Variants in NEBL observed in about 807,000 individuals in gnomAD.
The protein encoded by NEBL is LIM and SH3 protein 2.
Under a neutral mutation model 140.2 loss-of-function variants are expected in NEBL, and 122 were observed. That is an observed-to-expected ratio of 0.87 (90% CI 0.75 to 1.01). The LOEUF (loss-of-function observed/expected upper bound fraction) is 1.01, where lower values mean the gene tolerates loss of function less well. Ranked by LOEUF, NEBL falls within the 50% of genes least tolerant of loss-of-function variation. The pLI, the probability that NEBL is intolerant of heterozygous loss-of-function variation, is 0.00. For missense variants in NEBL, 1,365 were observed against 1,231.3 expected, an observed-to-expected ratio of 1.11 and a Z score of -1.62; for synonymous variants, 436 against 398.9, an observed-to-expected ratio of 1.09 and a Z score of -1.11.
intron 1 of NEBL, among the ~76,000 whole-genome samples, chr10:21,276,263 C>T (rs151050398): frequency 9.3e-4 from 141 of 152,246 alleles, no homozygotes; most frequent in East Asian, 4.8e-3. Flanking sequence ...TGAGCCACCA[C>T]GCCCAGCCCA....
At chr10:21,235,214 T>G (rs1842331984) in intron 3 of NEBL, among the ~76,000 whole-genome samples, 1 of 152,100 alleles carries the variant, frequency 6.6e-6, no homozygotes, top group Non-Finnish European at 1.5e-5. Context: ...GAGGATCACT[T>G]GAGTCCAGGA....
At chr10:20,790,608 A>C (rs1214257822) in intron 26 of NEBL, among the ~76,000 whole-genome samples, 1 of 151,856 alleles carries the variant, frequency 6.6e-6, no homozygotes, top group Non-Finnish European at 1.5e-5. Flanking sequence ...CTCAAAAAAA[A>C]AAAAACAAAA....
intron 2 of NEBL, among the ~76,000 whole-genome samples, chr10:21,131,088 A>T (rs1428946278): frequency 1.3e-5 from 2 of 152,192 alleles, no homozygotes; most frequent in South Asian, 4.1e-4. Flanking sequence ...TATTAAAAGG[A>T]TAATAAAAGA....
At chr10:21,039,990 C>A (rs1834195987) in intron 2 of NEBL, among the ~76,000 whole-genome samples, 1 of 152,182 alleles carries the variant, frequency 6.6e-6, no homozygotes, top group South Asian at 2.1e-4. Context: ...CATAGGATTA[C>A]ACAGCCAGAG....
chr10:21,158,948 C>T (rs1840444721), intron 2 of NEBL, among the ~76,000 whole-genome samples: 1 of 152,140 alleles, frequency 6.6e-6, no homozygotes, highest in Admixed American at 6.5e-5. Context: ...TTGAAACCCA[C>T]TTTGTCTTTA....
At chr10:20,843,220 G>T (rs1205175898) in intron 12 of NEBL, among the ~76,000 whole-genome samples, 5 of 152,148 alleles carry the variant, frequency 3.3e-5, no homozygotes, top group Middle Eastern at 3.4e-3. Flanking sequence ...AAAGGTGTCT[G>T]CAAGCCGGTA....
In NEBL at chr10:21,146,503, A is replaced by C. The variant is rs778109937; in HGVS notation, c.164+25880T>G. The C allele has an allele frequency of 2.5e-6, 4 of 1,612,084 alleles. No homozygotes were observed. In the South Asian group the frequency reaches 4.4e-5, roughly 18 times the overall value. ...TAGAGTAGATTCTTCTTTCACTTTT[A>C]GCCATCCTACTCCTGCATTATCAGA... On this transcript the variant is annotated intron_variant, in intron 2 of 6. Transcript: ENST00000417816.
At chr10:21,036,739 C>T (rs1176194858) in intron 2 of NEBL, among the ~76,000 whole-genome samples, 2 of 151,996 alleles carry the variant, frequency 1.3e-5, no homozygotes, top group African/African-American at 4.8e-5. Context: ...ACCCCAGGTA[C>T]AGATTTAAGC....
intron 2 of NEBL, among the ~76,000 whole-genome samples, chr10:21,168,824 G>T (rs1840915380): frequency 6.6e-6 from 1 of 151,248 alleles, no homozygotes; most frequent in African/African-American, 2.4e-5. Flanking sequence ...TGAGGCGGGT[G>T]GATCACAAGG....
Position 20,785,484 on chromosome 10 carries a change from A to C in NEBL, c.*263T>G, listed in dbSNP as rs966331689. The C allele has an allele frequency of 5.9e-6, 3 of 507,554 alleles. No individual in the cohort carries two copies. The highest frequency in any genetic ancestry group is 5.8e-5 in the African/African-American group (3 of 51,756). The allele number at this position is 507,554 out of a possible 1,614,324, so 31.4% of individuals were successfully genotyped here. A position where few individuals can be genotyped will look rare whatever the true frequency, so the allele number is the denominator to read the frequency against. On this transcript the variant is annotated 3_prime_UTR_variant, in exon 28 of 28. Transcript: ENST00000377122. ...AATACATTTCCCAGAAGGGTTCAAT[A>C]GCCAATCAAAGGAAACCATGAACAC...
chr10:21,068,110 G>T (rs772486976), intron 2 of NEBL, among the ~76,000 whole-genome samples: 3 of 152,164 alleles, frequency 2.0e-5, no homozygotes, highest in Non-Finnish European at 4.4e-5. Context: ...GGGAAAAAAG[G>T]CTAGGAGGTC....
chr10:21,147,900 T>C (rs1359740181), intron 2 of NEBL, among the ~76,000 whole-genome samples: 2 of 152,222 alleles, frequency 1.3e-5, no homozygotes, highest in East Asian at 3.8e-4. Flanking sequence ...GAAACAAATA[T>C]TTATCAATCA....
chr10:21,230,666 G>A (rs1257507893), intron 3 of NEBL, among the ~76,000 whole-genome samples: 4 of 150,374 alleles, frequency 2.7e-5, no homozygotes, highest in Non-Finnish European at 5.9e-5. Context: ...GTGCAGCGGC[G>A]TGATCTTGGT....
intron 26 of NEBL, among the ~76,000 whole-genome samples, chr10:20,806,215 G>A (rs911373531): frequency 3.3e-5 from 5 of 152,116 alleles, no homozygotes; most frequent in African/African-American, 7.2e-5. Context: ...AGTGACGTGG[G>A]CATGGTCTGC....
intron 4 of NEBL, among the ~76,000 whole-genome samples, chr10:20,918,951 A>G (rs1280382463): frequency 1.3e-5 from 2 of 152,174 alleles, no homozygotes; most frequent in South Asian, 2.1e-4. Flanking sequence ...AACATTATGC[A>G]TAGGAAAATT....
chr10:21,070,001 A>C (rs1304470970), intron 2 of NEBL: 1 of 456,240 alleles, frequency 2.2e-6, no homozygotes, highest in Non-Finnish European at 4.4e-6. Flanking sequence ...GCCACTCATA[A>C]TAGAAATGAA....
intron 3 of NEBL, among the ~76,000 whole-genome samples, chr10:20,985,666 G>GAAAT (rs1837226506): frequency 6.6e-6 from 1 of 151,886 alleles, no homozygotes; most frequent in South Asian, 2.1e-4. Flanking sequence ...TGTTTTAGTT[G>GAAAT]AAATAAATAA....
chr10:20,790,016 T>A (rs1313561916), intron 26 of NEBL, among the ~76,000 whole-genome samples: 2 of 151,692 alleles, frequency 1.3e-5, no homozygotes, highest in Admixed American at 6.6e-5. Flanking sequence ...CTTACTTATA[T>A]CTGACTTTGA....
chr10:21,056,270 T>C (rs538675748), intron 2 of NEBL, among the ~76,000 whole-genome samples: 189 of 152,354 alleles, frequency 1.2e-3, no homozygotes, highest in Non-Finnish European at 2.2e-3. Context: ...CACAGCCCTC[T>C]CTCTTGTTCA....
Sources: gnomAD v4.1 joint callset for allele counts (sites outside exome capture counted in the v4.1 genomes callset) on GRCh38, gnomAD v4.1.1 for gene constraint, MANE v1.5 for transcripts, NCBI Gene and HGNC (gene_info 2026-07-23, HGNC 2026-07-21) for gene names.